Variants in TK2 observed in about 807,000 individuals in gnomAD.
TK2 encodes thymidine kinase 2, mitochondrial.
In TK2, 35 loss-of-function variants were observed where a neutral mutation model predicts 41.9. The observed-to-expected ratio is 0.84, with a 90% CI of 0.64 to 1.11. TK2 has a LOEUF of 1.11. TK2 is among the 50% of genes least tolerant of loss of function. TK2 has a pLI of 0.00. For synonymous variants in TK2, 128 were observed against 129.1 expected (o/e 0.99, Z 0.06); for missense variants, 320 against 351.1 (o/e 0.91, Z 0.71).
In TK2 at chr16:66,512,003, T is replaced by C. The variant is rs144419486; in HGVS notation, c.763A>G (p.Ile255Val). ...LELFEQNRDR[I>V]LTPENRKHCP Reference sequence around the variant, plus strand: ...TGCTTCCGATTCTCTGGAGTTAATATTCGATCCCGATTTTGTTCAAAGAGT... The same window carrying C: ...TGCTTCCGATTCTCTGGAGTTAATACTCGATCCCGATTTTGTTCAAAGAGT... Residue 255 changes from isoleucine to valine, a missense_variant, in exon 10 of 10, where the codon ATA (isoleucine) becomes GTA (valine). Physicochemically the swap from Ile to Val is conservative, Grantham distance 29. Coordinates refer to ENST00000544898, the MANE Select transcript of TK2 (RefSeq NM_004614.5). The C allele has an allele frequency of 3.8e-5, 61 of 1,614,222 alleles. No homozygotes were observed. The highest frequency in any genetic ancestry group is 1.8e-4 in the Admixed American group (11 of 60,026).
rs1334469392 is a variant in TK2 at position 66,509,336 on chromosome 16, G to A, written c.*2632C>T. On this transcript the variant is annotated 3_prime_UTR_variant, in exon 10 of 10. Coordinates refer to ENST00000544898, the MANE Select transcript of TK2 (RefSeq NM_004614.5). ...GTGGGAAGAGCCTGGGACCCCGATG[G>A]CCACTAAGCCACCACAAAGCCCTGG... is the stretch of plus-strand genomic sequence containing the variant. 2.0e-5 allele frequency: 3 copies of A among 152,032 alleles called. No individual in the cohort carries two copies. The highest frequency in any genetic ancestry group is 7.3e-5 in the African/African-American group (3 of 41,356). 9.4% of individuals were successfully genotyped at this position (152,032 alleles called of 1,614,324 possible).
At position 66,513,771 on chromosome 16, in the gene TK2, A is replaced by G. The variant is rs1168827071; in HGVS notation, c.659T>C (p.Leu220Pro). The G allele has an allele frequency of 6.2e-7, 1 of 1,614,036 alleles. No individual in the cohort carries two copies. Among genetic ancestry groups the G allele is most frequent in the East Asian group, 2.2e-5 (1 of 44,872 alleles). ...CATGGGGAAAAGGCTGCCTTTGATG[A>G]GCCACTCCTCATGGAGATGGTGAAT... ...EAIHHLHEEWLIKGSLFPMAA... is the reference protein window; with the variant it reads ...EAIHHLHEEWPIKGSLFPMAA... The change falls in exon 9 of 10, where the codon CTC becomes CCC. Residue 220 changes from leucine (L) to proline (P), a missense_variant. By Grantham distance (98) the Leu-to-Pro change is moderately conservative. Transcript: ENST00000544898.
At chr16:66,515,472 G>A (rs1193806112) in intron 8 of TK2, among the ~76,000 whole-genome samples, 4 of 152,268 alleles carry the variant, frequency 2.6e-5, no homozygotes. Context: ...ATGCCAGGCA[G>A]AGCAGATACT....
chr16:66,526,695 T>C (rs936856592), intron 6 of TK2, among the ~76,000 whole-genome samples: 24 of 152,280 alleles, frequency 1.6e-4, no homozygotes, highest in Admixed American at 1.6e-3. Context: ...GAGGCCGCAG[T>C]GAGCCATGAT....
At chr16:66,519,796 C>T (rs867514418) in intron 6 of TK2, among the ~76,000 whole-genome samples, 2 of 152,100 alleles carry the variant, frequency 1.3e-5, no homozygotes, top group Non-Finnish European at 2.9e-5. Flanking sequence ...GGGGAGTGGC[C>T]GTACCTGAGC....
rs137886900 is a variant in TK2, at chr16:66,517,207, G to T, written c.547C>A (p.Arg183=). The T allele has an allele frequency of 1.4e-5, 22 of 1,614,038 alleles. No homozygotes were observed. The African/African-American group carries it at 2.8e-4, about 21-fold the overall frequency. Residue 183 remains arginine, a synonymous_variant, in exon 8 of 10, where the codon CGG becomes AGG. Transcript: ENST00000544898. The surrounding 1 kb of genome is among the most constrained non-coding windows in gnomAD (Gnocchi z 4.3). Reference sequence around the variant, plus strand: ...TGGTAACAAGTCTCAGGATTGGTCCGAAGGTAAACTGAGGTTAAAAGAATA... The same window carrying T: ...TGGTAACAAGTCTCAGGATTGGTCCTAAGGTAAACTGAGGTTAAAAGAATA... ...DVSVDLIVYL[R]TNPETCYQRL... is the part of the protein sequence containing the mutation.
intron 2 of TK2, among the ~76,000 whole-genome samples, chr16:66,548,275 T>A (rs1457957664): frequency 6.6e-6 from 1 of 152,100 alleles, no homozygotes; most frequent in African/African-American, 2.4e-5. Flanking sequence ...GCCCGCACTG[T>A]CTACCCTCTG....
intron 6 of TK2, among the ~76,000 whole-genome samples, chr16:66,521,908 C>A (rs1964791471): frequency 6.6e-6 from 1 of 152,238 alleles, no homozygotes; most frequent in Non-Finnish European, 1.5e-5. Context: ...TACATCAGTA[C>A]AATTTCTTGC....
intron 3 of TK2, among the ~76,000 whole-genome samples, chr16:66,538,253 C>G (rs907218816): frequency 3.3e-5 from 5 of 152,134 alleles, no homozygotes; most frequent in African/African-American, 1.2e-4. Flanking sequence ...TCTTTGCTTA[C>G]GTTGTTTCTT....
intron 3 of TK2, among the ~76,000 whole-genome samples, chr16:66,539,832 G>A (rs1472700989): frequency 2.6e-5 from 4 of 152,126 alleles, no homozygotes; most frequent in South Asian, 2.1e-4. Flanking sequence ...TTTCATCAGC[G>A]CTCAGCCATG....
chr16:66,520,560 C>T (rs558601584), intron 6 of TK2, among the ~76,000 whole-genome samples: 12 of 152,308 alleles, frequency 7.9e-5, no homozygotes, highest in Non-Finnish European at 1.3e-4. Flanking sequence ...AAGATACTTC[C>T]GCACGCTTAG....
intron 6 of TK2, among the ~76,000 whole-genome samples, chr16:66,524,328 AC>A (rs939273268): frequency 6.6e-6 from 1 of 151,968 alleles, no homozygotes; most frequent in Non-Finnish European, 1.5e-5. Flanking sequence ...CCACCTGGCT[AC>A]CAGCTTTTTT....
chr16:66,541,965 C>T lies in TK2; in HGVS notation c.157-12G>A, dbSNP rs117229729. On this transcript the variant is annotated splice_polypyrimidine_tract_variant and intron_variant, in intron 2 of 9. Transcript: ENST00000544898. ...CCCTCGACACAGATCTGGCAAAAGACGAATGCATATTAGAGCCAGAACTCA... is the reference window on the plus strand; with the variant it reads ...CCCTCGACACAGATCTGGCAAAAGATGAATGCATATTAGAGCCAGAACTCA... The T allele has an allele frequency of 1.2e-3, 1,925 of 1,613,940 alleles. 27 individuals carry two copies. In the East Asian group the frequency reaches 0.023, roughly 19 times the overall value.
At chr16:66,512,548 G>A (rs778633371) in intron 9 of TK2, among the ~76,000 whole-genome samples, 20 of 152,180 alleles carry the variant, frequency 1.3e-4, no homozygotes, top group Admixed American at 5.2e-4. Context: ...TTGGGAGGCC[G>A]AGGCAGGCAG....
At chr16:66,544,854 G>A (rs1269770169) in intron 2 of TK2, among the ~76,000 whole-genome samples, 5 of 152,180 alleles carry the variant, frequency 3.3e-5, no homozygotes, top group South Asian at 2.1e-4. Flanking sequence ...TTGGGAGGCC[G>A]AGGCAGGGGA....
intron 3 of TK2, 102 bp from the exon 4 acceptor site, chr16:66,537,119 G>GAAA: frequency 6.5e-7 from 1 of 1,529,994 alleles, no homozygotes; most frequent in Non-Finnish European, 9.0e-7. Context: ...GAAAAAGAGA[G>GAAA]AAAAAGACTA....
chr16:66,529,135 T>C, intron 5 of TK2, 68 bp from the exon 6 acceptor site: 6 of 1,422,450 alleles, frequency 4.2e-6, no homozygotes, highest in South Asian at 1.1e-5. Context: ...CCTTGAGAAA[T>C]GTCTGTTACT....
At chr16:66,533,455 C>T (rs1965182018) in intron 4 of TK2, among the ~76,000 whole-genome samples, 1 of 151,318 alleles carries the variant, frequency 6.6e-6, no homozygotes, top group South Asian at 2.1e-4. Flanking sequence ...GAGCCCAAGG[C>T]AGGAGGATCA....
At chr16:66,513,700 G>A (rs1964518164) in intron 9 of TK2, 31 bp downstream of exon 9, 1 of 1,602,984 alleles carries the variant, frequency 6.2e-7, no homozygotes, top group Non-Finnish European at 8.5e-7. Flanking sequence ...TTCTAGAACA[G>A]TCTCGTACCC....
Sources: gnomAD v4.1 joint callset for allele counts (sites outside exome capture counted in the v4.1 genomes callset) on GRCh38, gnomAD v4.1.1 for gene constraint, Gnocchi (gnomAD v3.1) non-coding constraint, MANE v1.5 for transcripts, NCBI Gene and HGNC (gene_info 2026-07-23, HGNC 2026-07-21) for gene names.